The following TRPC4 variants were observed in gnomAD, a reference collection of about 807,000 sequenced individuals.
The protein encoded by TRPC4 is transient receptor potential cation channel subfamily C member 4.
A neutral mutation model predicts 99.4 loss-of-function variants in TRPC4; 49 were observed. That is an observed-to-expected ratio of 0.49 (90% confidence interval 0.39 to 0.63). The LOEUF (loss-of-function observed/expected upper bound fraction) is 0.63, where lower values mean the gene tolerates loss of function less well. Ranked by LOEUF, TRPC4 falls within the 20% of genes least tolerant of loss-of-function variation. TRPC4 has a pLI of 0.00. For synonymous variants in TRPC4, 454 were observed against 425.9 expected (o/e 1.07, Z -0.81); for missense variants, 898 against 1,152.9 (o/e 0.78, Z 3.20).
At chr13:37,782,565 A>AGGTAGAAT (rs1956867422) in intron 2 of TRPC4, among the ~76,000 whole-genome samples, 1 of 152,132 alleles carries the variant, frequency 6.6e-6, no homozygotes, top group South Asian at 2.1e-4. Context: ...TAACAAAATA[A>AGGTAGAAT]TTCACCCTCT....
intron 1 of TRPC4, among the ~76,000 whole-genome samples, chr13:37,824,256 C>T (rs1377910003): frequency 9.4e-5 from 14 of 148,750 alleles, no homozygotes; most frequent in Non-Finnish European, 1.6e-4. Flanking sequence ...TAATTGAATA[C>T]CCTTTATTTC....
intron 1 of TRPC4, among the ~76,000 whole-genome samples, chr13:37,793,470 A>T (rs769021781): frequency 1.4e-5 from 2 of 143,942 alleles, no homozygotes; most frequent in Non-Finnish European, 3.0e-5. Flanking sequence ...TAGTACTACA[A>T]CCTAACACAC....
rs963167609 is a variant in TRPC4, at chr13:37,765,769, T to C, written c.378+17187A>G. Among the ~76,000 whole-genome samples, 82 of 151,572 alleles carry C rather than the reference T, an allele frequency of 5.4e-4. 1 individual carries two copies. Among genetic ancestry groups the C allele is most frequent in the African/African-American group, 1.9e-3 (80 of 41,504 alleles). ...TATTAAATATAGAAGATTGCATAAG[T>C]GCTTTATTGTCTTTTGCTGATTTAT... On this transcript the variant is annotated intron_variant, in intron 2 of 10. Transcript: ENST00000379705.
chr13:37,725,339 T>A (rs1014274189), intron 3 of TRPC4, among the ~76,000 whole-genome samples: 3 of 151,920 alleles, frequency 2.0e-5, no homozygotes, highest in Non-Finnish European at 4.4e-5. Flanking sequence ...TGGCCAACAT[T>A]TCCCCAAATT....
chr13:37,738,220 T>C (rs927524130), intron 3 of TRPC4, among the ~76,000 whole-genome samples: 5 of 152,144 alleles, frequency 3.3e-5, no homozygotes, highest in African/African-American at 1.2e-4. Flanking sequence ...GAAGCCATAA[T>C]AGAATAAGGA....
intron 1 of TRPC4, among the ~76,000 whole-genome samples, chr13:37,850,962 T>C (rs748106919): frequency 1.4e-4 from 21 of 152,226 alleles, no homozygotes; most frequent in Non-Finnish European, 2.8e-4. Context: ...TGTTAAAATC[T>C]TATTGTTTGC....
At chr13:37,844,242 G>A (rs1016746846) in intron 1 of TRPC4, among the ~76,000 whole-genome samples, 3 of 152,046 alleles carry the variant, frequency 2.0e-5, no homozygotes, top group African/African-American at 7.2e-5. Context: ...AGAGAGACTA[G>A]CTGACAGCAT....
intron 2 of TRPC4, among the ~76,000 whole-genome samples, chr13:37,761,447 A>T (rs1318152166): frequency 2.6e-5 from 4 of 152,012 alleles, no homozygotes; most frequent in African/African-American, 9.6e-5. Context: ...TCAGGTAGCG[A>T]GAGTAGGAAA....
intron 8 of TRPC4, among the ~76,000 whole-genome samples, chr13:37,643,918 T>C (rs1369926006): frequency 6.6e-6 from 1 of 152,176 alleles, no homozygotes; most frequent in Non-Finnish European, 1.5e-5. Context: ...GTGTTTTTCT[T>C]GGGTCTCGGT....
chr13:37,682,947 TAGAAA>T (rs1342308216), intron 4 of TRPC4, among the ~76,000 whole-genome samples: 3 of 133,734 alleles, frequency 2.2e-5, no homozygotes, highest in African/African-American at 8.9e-5. Context: ...TTTTTTTTGG[TAGAAA>T]AGAAATCTCT....
chr13:37,677,122 A>G lies in TRPC4; in HGVS notation c.1235-2755T>C, dbSNP rs554826180. ...CCGTCATAAGGTTCTTATACTACACATAAAGCAGAATAATATTTTTGAAGT... is the reference window on the plus strand; with the variant it reads ...CCGTCATAAGGTTCTTATACTACACGTAAAGCAGAATAATATTTTTGAAGT... On this transcript the variant is annotated intron_variant, in intron 4 of 10. Transcript: ENST00000379705. Among the ~76,000 whole-genome samples the G allele has an allele frequency of 1.4e-4, 22 of 152,192 alleles. No individual in the cohort carries two copies. In the South Asian group the frequency reaches 4.1e-3, roughly 29 times the overall value.
intron 10 of TRPC4, 140 bp downstream of exon 10, chr13:37,638,900 A>T: frequency 1.3e-6 from 1 of 780,226 alleles, no homozygotes; most frequent in Non-Finnish European, 2.1e-6. Context: ...ACAGTTCTGT[A>T]GGGTTTCAGC....
rs373473348 is a variant in TRPC4 at position 37,644,643 on chromosome 13, G to T, written c.2080-5344C>A. On this transcript the variant is annotated intron_variant, in intron 8 of 10. Transcript: ENST00000379705. ...TCCAGCACTCTGGGAGGCCGAAGAG[G>T]GTGGATCACGAGGTCAGGAGCTCAA... Among the ~76,000 whole-genome samples, 203 of 152,058 alleles carry T rather than the reference G, an allele frequency of 1.3e-3. 1 individual carries two copies. The highest frequency in any genetic ancestry group is 4.7e-3 in the African/African-American group (195 of 41,468).
rs1952440116 is a variant in TRPC4, at chr13:37,661,631, A to T, written c.1688+1785T>A. ...TAAAGTAAGAAGAAAGTTGTGAAAG[A>T]GCATTCACAAGGGTTCTCCATCAGA... On this transcript the variant is annotated intron_variant, in intron 6 of 10. Transcript: ENST00000379705. Among the ~76,000 whole-genome samples, 2 of 152,218 alleles carry T rather than the reference A, an allele frequency of 1.3e-5. 1 individual carries two copies. Among genetic ancestry groups the T allele is most frequent in the South Asian group, 4.1e-4 (2 of 4,834 alleles).
chr13:37,805,886 T>G (rs1957517216), intron 1 of TRPC4, among the ~76,000 whole-genome samples: 1 of 152,052 alleles, frequency 6.6e-6, no homozygotes, highest in Admixed American at 6.6e-5. Flanking sequence ...AAAATTCCAC[T>G]GTTTATACAA....
Position 37,636,901 on chromosome 13 carries a change from T to C in TRPC4, c.*2A>G. ...TATGGTAAACGCTTCCTCCTTCAAG[T>C]ATCACAATCTTGTGGTCACGTAATC... is the stretch of plus-strand genomic sequence containing the variant. On this transcript the variant is annotated 3_prime_UTR_variant, in exon 11 of 11. Coordinates refer to ENST00000379705, the MANE Select transcript of TRPC4 (RefSeq NM_016179.4). 1 of 1,606,164 alleles carries C rather than the reference T, an allele frequency of 6.2e-7. No individual in the cohort carries two copies. The highest frequency in any genetic ancestry group is 8.5e-7 in the Non-Finnish European group (1 of 1,175,568).
At chr13:37,783,854 TTTTTG>T (rs750764923) in intron 1 of TRPC4, among the ~76,000 whole-genome samples, 13 of 152,066 alleles carry the variant, frequency 8.5e-5, no homozygotes, top group South Asian at 4.1e-4. Context: ...ATATATTTGT[TTTTTG>T]TTTTGTTTTG....
chr13:37,681,278 G>T (rs185339765), intron 4 of TRPC4, among the ~76,000 whole-genome samples: 59 of 152,258 alleles, frequency 3.9e-4, no homozygotes, highest in Middle Eastern at 3.4e-3. Context: ...CATTAAATCT[G>T]ATTTTCTTGA....
chr13:37,747,545 T>C (rs902678775), intron 2 of TRPC4, among the ~76,000 whole-genome samples: 12 of 151,888 alleles, frequency 7.9e-5, no homozygotes, highest in African/African-American at 2.9e-4. Context: ...CACATTGAAA[T>C]ATGCTGCTGG....
Sources: allele counts gnomAD v4.1 joint callset (sites outside exome capture counted in the v4.1 genomes callset), GRCh38; gene constraint gnomAD v4.1.1; transcripts MANE v1.5; gene names NCBI Gene and HGNC (gene_info 2026-07-23, HGNC 2026-07-21).